SLC4A5: variants seen among roughly 807,000 people sequenced by gnomAD.
SLC4A5 encodes the protein electrogenic sodium bicarbonate cotransporter 4.
SLC4A5 carries 96 observed loss-of-function variants against 120.4 expected under a neutral mutation model. The ratio of observed to expected loss-of-function variants is 0.80; its 90% CI spans 0.68 to 0.94. The LOEUF is 0.94. Among genes scored for constraint, SLC4A5 ranks in the 40% least tolerant of loss-of-function variants. The probability of loss-of-function intolerance (pLI) is 0.00; values close to 1 mark genes in which losing one functional copy is unlikely to be tolerated. For missense variants in SLC4A5, 1,259 were observed against 1,459.5 expected, an observed-to-expected ratio of 0.86 and a Z score of 2.24; for synonymous variants, 550 against 571.1, an observed-to-expected ratio of 0.96 and a Z score of 0.53.
intron 20 of SLC4A5, among the ~76,000 whole-genome samples, chr2:74,240,058 T>A (rs1019832438): frequency 2.2e-4 from 33 of 149,192 alleles, no homozygotes; most frequent in Middle Eastern, 3.6e-3. Flanking sequence ...TATATATATA[T>A]AAATGTGTAC....
At chr2:74,227,741 T>C in intron 26 of SLC4A5, 69 bp downstream of exon 26, 1 of 1,420,282 alleles carries the variant, frequency 7.0e-7, no homozygotes, top group Non-Finnish European at 9.6e-7. Context: ...ATTGGGGGTC[T>C]TGGTGACATG....
chr2:74,335,874 TTAA>T (rs759375266), intron 3 of SLC4A5, among the ~76,000 whole-genome samples: 5 of 152,192 alleles, frequency 3.3e-5, no homozygotes, highest in African/African-American at 4.8e-5. Context: ...GCAAATATGC[TTAA>T]GTTCAGACAT....
At chr2:74,337,036 A>T (rs1429693291) in intron 3 of SLC4A5, among the ~76,000 whole-genome samples, 1 of 152,150 alleles carries the variant, frequency 6.6e-6, no homozygotes, top group South Asian at 2.1e-4. Flanking sequence ...CCTGCCCCTC[A>T]CTCATATCCA....
intron 6 of SLC4A5, chr2:74,307,281 T>C (rs17009841): frequency 0.015 from 7,790 of 522,838 alleles, 502 homozygotes; most frequent in African/African-American, 0.13. Context: ...CATGATCTTA[T>C]CAACGTCCTA....
chr2:74,241,949 C>T (rs781399441), intron 20 of SLC4A5, 45 bp downstream of exon 20: 67 of 1,572,030 alleles, frequency 4.3e-5, no homozygotes, highest in Non-Finnish European at 5.6e-5. Context: ...CCTCCTCCTA[C>T]AAACAAAAGC....
In SLC4A5 at chr2:74,327,249, C is replaced by T. The variant is rs145040583; in HGVS notation, c.-3+871G>A. Among the ~76,000 whole-genome samples, 1,346 of 152,276 alleles carry T rather than the reference C, an allele frequency of 8.8e-3. 29 individuals carry two copies. The highest frequency in any genetic ancestry group is 0.03 in the African/African-American group (1,232 of 41,544). On this transcript the variant is annotated intron_variant, in intron 5 of 30. Coordinates refer to ENST00000394019, the Ensembl canonical transcript of SLC4A5. ...CTTTTGGGGAGCTTTTCTTTCCACC[C>T]CATATTTTAAGCCACTTGACCTTGA...
Position 74,306,194 on chromosome 2 carries a change from G to C in SLC4A5, c.80-1514C>G, listed in dbSNP as rs544107310. On this transcript the variant is annotated intron_variant, in intron 6 of 30. Transcript: ENST00000394019. ...CAAAGGGCATCAGCCTAATGGCTAA[G>C]GTGAGCATGACCATAAGCCACAAAT... Among the ~76,000 whole-genome samples the C allele has an allele frequency of 3.9e-5, 6 of 152,316 alleles. No homozygotes were observed. In the South Asian group the frequency reaches 1.2e-3, roughly 32 times the overall value.
exon 23 of SLC4A5, chr2:74,233,531 G>A (rs758428557): frequency 1.2e-6 from 2 of 1,613,922 alleles, no homozygotes; most frequent in Non-Finnish European, 1.7e-6. Flanking sequence ...TCCCAAAGGG[G>A]GCCACGAACC....
chr2:74,340,699 T>C (rs946227132), intron 2 of SLC4A5, among the ~76,000 whole-genome samples: 36 of 152,180 alleles, frequency 2.4e-4, no homozygotes, highest in Admixed American at 2.4e-3. Context: ...CACAAACGTA[T>C]AGTTTTCATA....
In SLC4A5 at chr2:74,255,709, C is replaced by A. The variant is rs983208048; in HGVS notation, c.1025+66G>T. ...AGAACACTAACAGTCAACAGCACTG[C>A]TTGCTGACTGCACTGCTGACTGGCT... On this transcript the variant is annotated intron_variant, in intron 13 of 30. Transcript: ENST00000394019. The surrounding 1 kb of genome is among the most constrained non-coding windows in gnomAD (Gnocchi z 4.0). The A allele has an allele frequency of 1.3e-6, 2 of 1,583,896 alleles. No individual in the cohort carries two copies. Among genetic ancestry groups the A allele is most frequent in the East Asian group, 4.5e-5 (2 of 44,470 alleles).
chr2:74,264,489 C>CGTGTGTGTGTGTGT (rs59538523), intron 9 of SLC4A5, among the ~76,000 whole-genome samples, 190 bp from the exon 10 acceptor site: 9,169 of 143,640 alleles, frequency 0.064, 536 homozygotes, highest in East Asian at 0.25. Flanking sequence ...TTCAAGGGCA[C>CGTGTGTGTGTGTGT]GTGTGTGTGT....
At chr2:74,340,560 T>A (rs573230753) in intron 2 of SLC4A5, among the ~76,000 whole-genome samples, 6 of 150,788 alleles carry the variant, frequency 4.0e-5, no homozygotes, top group African/African-American at 7.3e-5. Context: ...GAGGATGAGA[T>A]AAATGGGGTG....
chr2:74,340,097 G>A (rs1403260968), intron 2 of SLC4A5, among the ~76,000 whole-genome samples: 1 of 152,166 alleles, frequency 6.6e-6, no homozygotes, highest in African/African-American at 2.4e-5. Context: ...TGATGAAAAA[G>A]TTCTGGAAAT....
intron 16 of SLC4A5, 53 bp from the exon 17 acceptor site, chr2:74,250,570 G>A (rs1670759269): frequency 6.3e-7 from 1 of 1,598,808 alleles, no homozygotes; most frequent in Non-Finnish European, 8.5e-7. Context: ...CCAGTGCAGG[G>A]GCAGGGCTAT....
intron 19 of SLC4A5, among the ~76,000 whole-genome samples, chr2:74,244,374 GTTCC>G (rs1558874579): frequency 1.3e-5 from 2 of 151,452 alleles, no homozygotes; most frequent in Admixed American, 6.6e-5. Flanking sequence ...TTGTTTGTTC[GTTCC>G]TTCCTTCCTT....
intron 4 of SLC4A5, among the ~76,000 whole-genome samples, chr2:74,332,336 A>G (rs909985904): frequency 6.6e-6 from 1 of 152,084 alleles, no homozygotes; most frequent in African/African-American, 2.4e-5. Flanking sequence ...ATAAACATAC[A>G]TTGACAGTTC....
intron 8 of SLC4A5, 92 bp downstream of exon 8, chr2:74,285,681 G>T: frequency 6.7e-7 from 1 of 1,491,402 alleles, no homozygotes. Context: ...AAGCTCTCAA[G>T]GTACAAGGTG....
exon 25 of SLC4A5, chr2:74,231,253 G>A: frequency 2.5e-6 from 4 of 1,611,706 alleles, no homozygotes; most frequent in Non-Finnish European, 3.4e-6. Flanking sequence ...ATGGGAGCCA[G>A]GAAGACAGAG....
intron 9 of SLC4A5, among the ~76,000 whole-genome samples, 190 bp from the exon 10 acceptor site, chr2:74,264,489 CGTGTGTGTGTGTGT>C (rs59538523): frequency 2.8e-5 from 4 of 143,648 alleles, no homozygotes; most frequent in Non-Finnish European, 6.1e-5. Flanking sequence ...TTCAAGGGCA[CGTGTGTGTGTGTGT>C]GTGTGTGTGT....
Sources: allele counts gnomAD v4.1 joint callset (sites outside exome capture counted in the v4.1 genomes callset), GRCh38; gene constraint gnomAD v4.1.1; non-coding constraint Gnocchi (gnomAD v3.1); transcripts MANE v1.5; gene names NCBI Gene and HGNC (gene_info 2026-07-23, HGNC 2026-07-21).